The following ARHGAP6 variants were observed in gnomAD, a reference collection of about 807,000 sequenced individuals.
ARHGAP6 encodes the protein Rho GTPase activating protein 6, also known as rho GTPase-activating protein 6.
Under a neutral mutation model 55.7 loss-of-function variants are expected in ARHGAP6, and 16 were observed. That is an observed-to-expected ratio of 0.29 (90% CI 0.19 to 0.44). ARHGAP6 has a LOEUF of 0.44. Ranked by LOEUF, ARHGAP6 falls within the 20% of genes least tolerant of loss-of-function variation. The probability of loss-of-function intolerance (pLI) is 1.00; values close to 1 mark genes in which losing one functional copy is unlikely to be tolerated. For missense variants in ARHGAP6, 698 were observed against 808.9 expected (o/e 0.86, Z 1.66); for synonymous variants, 382 against 360.9 (o/e 1.06, Z -0.66).
chrX:11,447,006 T>A (rs2050098788), intron 1 of ARHGAP6, among the ~76,000 whole-genome samples: 1 of 112,067 alleles, frequency 8.9e-6, no homozygotes, highest in Admixed American at 9.5e-5. Context: ...TGAATTTCCA[T>A]AAGGAAATAG....
At chrX:11,530,127 G>T (rs1271469836) in intron 1 of ARHGAP6, among the ~76,000 whole-genome samples, 1 of 111,152 alleles carries the variant, frequency 9.0e-6, no homozygotes, top group Non-Finnish European at 1.9e-5. Flanking sequence ...ACAAGACCCA[G>T]ATCAAGAGTT....
chrX:11,156,879 C>T (rs2045872036), intron 9 of ARHGAP6, among the ~76,000 whole-genome samples: 2 of 112,583 alleles, frequency 1.8e-5, no homozygotes, highest in African/African-American at 6.5e-5. Flanking sequence ...AACTGAACCA[C>T]TTGGATGCCT....
chrX:11,658,924 T>C (rs2052666964), intron 1 of ARHGAP6, among the ~76,000 whole-genome samples: 1 of 109,981 alleles, frequency 9.1e-6, no homozygotes, highest in Non-Finnish European at 1.9e-5. Flanking sequence ...TAGACGCCAG[T>C]AGCACACTCC....
rs1049117817 is a variant in ARHGAP6 at position 11,594,758 on chromosome X, C to T, written c.588+69483G>A. 8.0e-5 allele frequency among the ~76,000 whole-genome samples: 9 copies of T among 111,911 alleles called. No individual in the cohort carries two copies. The East Asian group carries it at 8.4e-4, about 10-fold the overall frequency. ...AACTGTCTTCCACGAAACCAATTCC[C>T]GGTACCAAAAAGGTTGGGGATGCTG... On this transcript the variant is annotated intron_variant, in intron 1 of 12. Coordinates refer to ENST00000337414, the MANE Select transcript of ARHGAP6 (RefSeq NM_013427.3).
chrX:11,148,619 C>T (rs1310411821), intron 10 of ARHGAP6: 5 of 368,028 alleles, frequency 1.4e-5, no homozygotes, highest in Non-Finnish European at 2.6e-5. Flanking sequence ...GAGAGCGAGT[C>T]ACATTCTCAC....
intron 12 of ARHGAP6, among the ~76,000 whole-genome samples, chrX:11,141,929 T>C (rs1478599770): frequency 2.7e-5 from 3 of 112,576 alleles, no homozygotes; most frequent in Non-Finnish European, 5.6e-5. Flanking sequence ...TTATGCACTC[T>C]GTGGAATACC....
At chrX:11,441,973 T>A in intron 1 of ARHGAP6, among the ~76,000 whole-genome samples, 1 of 110,854 alleles carries the variant, frequency 9.0e-6, no homozygotes, top group African/African-American at 3.3e-5. Flanking sequence ...TATACACATA[T>A]ACAGTCTAAG....
At chrX:11,425,816 G>A (rs1002500535) in intron 1 of ARHGAP6, among the ~76,000 whole-genome samples, 2 of 111,581 alleles carry the variant, frequency 1.8e-5, no homozygotes, top group Non-Finnish European at 3.8e-5. Flanking sequence ...AAATTAAGGA[G>A]CCCGTTCTCA....
chrX:11,278,044 G>A (rs1442949359), intron 1 of ARHGAP6, among the ~76,000 whole-genome samples: 1 of 111,657 alleles, frequency 9.0e-6, no homozygotes, highest in African/African-American at 3.3e-5. Flanking sequence ...AGTTGCTAGG[G>A]TCAAAAGCAG....
chrX:11,648,113 C>T (rs1031348520), intron 1 of ARHGAP6, among the ~76,000 whole-genome samples: 2 of 111,838 alleles, frequency 1.8e-5, no homozygotes, highest in Admixed American at 9.5e-5. Flanking sequence ...GGTAACTATA[C>T]CTAATAACAA....
chrX:11,314,071 G>T (rs1250157548), intron 1 of ARHGAP6, among the ~76,000 whole-genome samples: 2 of 112,407 alleles, frequency 1.8e-5, no homozygotes, highest in Non-Finnish European at 3.8e-5. Context: ...TAATTATTGT[G>T]CGTGTTCAGG....
At chrX:11,569,800 G>A (rs1208865930) in intron 1 of ARHGAP6, among the ~76,000 whole-genome samples, 1 of 111,672 alleles carries the variant, frequency 9.0e-6, no homozygotes, top group Non-Finnish European at 1.9e-5. Context: ...ACCACCCAAG[G>A]GGTCTCAGGC....
intron 2 of ARHGAP6, among the ~76,000 whole-genome samples, chrX:11,202,345 G>A (rs2046640333): frequency 9.0e-6 from 1 of 110,586 alleles, no homozygotes; most frequent in Non-Finnish European, 1.9e-5. Context: ...ATCTATAACC[G>A]GTGATGAGGT....
chrX:11,263,193 T>C (rs758054393), intron 1 of ARHGAP6, among the ~76,000 whole-genome samples: 2 of 110,163 alleles, frequency 1.8e-5, no homozygotes, highest in Admixed American at 1.9e-4. Flanking sequence ...TCTGAGTTCA[T>C]GTGAGATATG....
intron 8 of ARHGAP6, among the ~76,000 whole-genome samples, chrX:11,177,370 C>CG (rs149420907): frequency 0.1 from 4,421 of 43,930 alleles, 204 homozygotes; most frequent in East Asian, 0.27. Flanking sequence ...ATTTGGTGGG[C>CG]GGGGGGGGGG....
chrX:11,448,841 A>C (rs1299391052), intron 1 of ARHGAP6, among the ~76,000 whole-genome samples: 1 of 111,194 alleles, frequency 9.0e-6, no homozygotes, highest in Non-Finnish European at 1.9e-5. Context: ...AGGCATCTCA[A>C]ATTTATCATG....
intron 1 of ARHGAP6, among the ~76,000 whole-genome samples, chrX:11,262,189 C>T (rs2047570657): frequency 9.0e-6 from 1 of 111,362 alleles, no homozygotes; most frequent in African/African-American, 3.3e-5. Context: ...AGTACAAACA[C>T]TACAAACCTA....
intron 1 of ARHGAP6, among the ~76,000 whole-genome samples, chrX:11,585,449 T>C (rs1248971784): frequency 1.8e-5 from 2 of 112,462 alleles, no homozygotes; most frequent in South Asian, 3.7e-4. Context: ...TGTTATTTTT[T>C]GACTTTTTAG....
At chrX:11,410,426 C>A (rs2049666263) in intron 1 of ARHGAP6, among the ~76,000 whole-genome samples, 1 of 112,370 alleles carries the variant, frequency 8.9e-6, no homozygotes, top group Non-Finnish European at 1.9e-5. Context: ...ACAGGCAAAT[C>A]TAGAGACAAA....
Sources: allele counts gnomAD v4.1 joint callset (sites outside exome capture counted in the v4.1 genomes callset), GRCh38; gene constraint gnomAD v4.1.1; transcripts MANE v1.5; gene names NCBI Gene and HGNC (gene_info 2026-07-23, HGNC 2026-07-21).